The following EXOC4 variants were observed in gnomAD, a reference collection of about 807,000 sequenced individuals.
EXOC4 encodes the protein exocyst complex component 4.
A neutral mutation model predicts 107.2 loss-of-function variants in EXOC4; 71 were observed. The ratio of observed to expected loss-of-function variants is 0.66; its 90% confidence interval spans 0.55 to 0.81. EXOC4 has a LOEUF of 0.81. Among genes scored for constraint, EXOC4 ranks in the 30% least tolerant of loss-of-function variants. The pLI is 0.00. For synonymous variants in EXOC4, 456 were observed against 441.2 expected (o/e 1.03, Z -0.42); for missense variants, 1,108 against 1,189.6 (o/e 0.93, Z 1.01).
At chr7:133,548,461 T>A (rs573955358) in intron 9 of EXOC4, among the ~76,000 whole-genome samples, 2 of 152,326 alleles carry the variant, frequency 1.3e-5, no homozygotes, top group East Asian at 3.9e-4. Context: ...TCTCTAGCTC[T>A]GAAAAGTTCT....
intron 10 of EXOC4, among the ~76,000 whole-genome samples, chr7:133,698,596 G>A (rs1409708139): frequency 6.7e-6 from 1 of 149,916 alleles, no homozygotes; most frequent in Non-Finnish European, 1.5e-5. Flanking sequence ...AAATATAGAA[G>A]ATGCGATGCA....
intron 9 of EXOC4, among the ~76,000 whole-genome samples, chr7:133,549,442 G>A (rs536239357): frequency 6.6e-6 from 1 of 152,216 alleles, no homozygotes; most frequent in African/African-American, 2.4e-5. Context: ...GGGAATGATG[G>A]CCAGTGAGTG....
chr7:133,676,369 C>T (rs904995610), intron 10 of EXOC4, among the ~76,000 whole-genome samples: 3 of 152,098 alleles, frequency 2.0e-5, no homozygotes, highest in East Asian at 1.9e-4. Flanking sequence ...GGAATGGGAC[C>T]GAGTATGCCT....
At chr7:133,475,098 C>T (rs1202747727) in intron 7 of EXOC4, among the ~76,000 whole-genome samples, 1 of 152,032 alleles carries the variant, frequency 6.6e-6, no homozygotes, top group Non-Finnish European at 1.5e-5. Context: ...CCTTTTACTC[C>T]CATGTTCAAA....
intron 10 of EXOC4, among the ~76,000 whole-genome samples, chr7:133,779,326 C>T (rs1159996292): frequency 1.3e-5 from 2 of 152,020 alleles, no homozygotes; most frequent in Non-Finnish European, 2.9e-5. Context: ...ATGGCTTTCT[C>T]AATACTACTA....
intron 7 of EXOC4, among the ~76,000 whole-genome samples, chr7:133,409,594 T>C (rs2059374): frequency 0.83 from 125,568 of 152,194 alleles, 52,013 homozygotes; most frequent in East Asian, 0.95. Flanking sequence ...CTTTCTGCTG[T>C]CATCATCCTG....
At chr7:134,049,193 T>G (rs1795725980) in intron 17 of EXOC4, among the ~76,000 whole-genome samples, 1 of 152,270 alleles carries the variant, frequency 6.6e-6, no homozygotes, top group South Asian at 2.1e-4. Flanking sequence ...ATTATTTTCT[T>G]TCCACTTAAG....
intron 7 of EXOC4, among the ~76,000 whole-genome samples, chr7:133,418,045 TAGAA>T (rs770979667): frequency 1.3e-5 from 2 of 152,218 alleles, no homozygotes; most frequent in Non-Finnish European, 2.9e-5. Flanking sequence ...CACTTGGTAA[TAGAA>T]AGAACATAGC....
intron 7 of EXOC4, among the ~76,000 whole-genome samples, chr7:133,389,777 G>T (rs1796810235): frequency 6.6e-6 from 1 of 151,922 alleles, no homozygotes; most frequent in Non-Finnish European, 1.5e-5. Flanking sequence ...CTCCAAACTG[G>T]GCAATTTACA....
At chr7:133,254,667 A>T (rs1362963760) in intron 1 of EXOC4, among the ~76,000 whole-genome samples, 1 of 152,198 alleles carries the variant, frequency 6.6e-6, no homozygotes, top group Admixed American at 6.6e-5. Context: ...GAGTTTTGCA[A>T]AGATGAAGCA....
At chr7:133,388,787 T>G (rs1459551998) in intron 7 of EXOC4, among the ~76,000 whole-genome samples, 1 of 152,248 alleles carries the variant, frequency 6.6e-6, no homozygotes, top group Non-Finnish European at 1.5e-5. Context: ...GTTTAAATAT[T>G]GCAATTTGAT....
intron 11 of EXOC4, among the ~76,000 whole-genome samples, chr7:133,857,601 C>T (rs1255018219): frequency 6.6e-6 from 1 of 151,072 alleles, no homozygotes; most frequent in African/African-American, 2.4e-5. Flanking sequence ...GGGGTGTGTG[C>T]GCCACTAAGC....
intron 9 of EXOC4, among the ~76,000 whole-genome samples, chr7:133,606,141 G>C (rs1379511974): frequency 6.6e-6 from 1 of 152,098 alleles, no homozygotes; most frequent in African/African-American, 2.4e-5. Flanking sequence ...GTGAAAGCGA[G>C]GGCCTGAGAG....
chr7:133,424,030 A>G (rs927287116), intron 7 of EXOC4, among the ~76,000 whole-genome samples: 7 of 152,058 alleles, frequency 4.6e-5, no homozygotes, highest in Admixed American at 2.0e-4. Context: ...ACCAATCAGC[A>G]CTCTGTCAAA....
At chr7:133,545,250 C>T (rs1800458524) in intron 9 of EXOC4, among the ~76,000 whole-genome samples, 1 of 152,028 alleles carries the variant, frequency 6.6e-6, no homozygotes. Flanking sequence ...TAAATCCTAC[C>T]TCTGGGAATC....
chr7:133,701,690 G>A (rs949939056), intron 10 of EXOC4, among the ~76,000 whole-genome samples: 1 of 152,068 alleles, frequency 6.6e-6, no homozygotes, highest in Non-Finnish European at 1.5e-5. Context: ...GACCAGAAAT[G>A]TTTTGCATTT....
intron 7 of EXOC4, among the ~76,000 whole-genome samples, chr7:133,400,409 TA>T (rs1172764472): frequency 6.6e-6 from 1 of 152,142 alleles, no homozygotes; most frequent in Non-Finnish European, 1.5e-5. Context: ...CACCTGATGT[TA>T]GTTAATCTGG....
chr7:133,580,263 T>G (rs888166120), intron 9 of EXOC4, among the ~76,000 whole-genome samples: 4 of 152,252 alleles, frequency 2.6e-5, no homozygotes, highest in Non-Finnish European at 5.9e-5. Flanking sequence ...TTGGGTTGCT[T>G]TCAGCTTTTG....
chr7:134,041,861 CTCTA>C (rs749567606), intron 17 of EXOC4, among the ~76,000 whole-genome samples: 3 of 152,130 alleles, frequency 2.0e-5, no homozygotes, highest in Middle Eastern at 3.2e-3. Flanking sequence ...TTTAATTACT[CTCTA>C]TCTTTGTGCA....
Sources: allele counts gnomAD v4.1 joint callset (sites outside exome capture counted in the v4.1 genomes callset), GRCh38; gene constraint gnomAD v4.1.1; transcripts MANE v1.5; gene names NCBI Gene and HGNC (gene_info 2026-07-23, HGNC 2026-07-21).